TRAPPC9: variants seen among roughly 807,000 people sequenced by gnomAD.
The protein encoded by TRAPPC9 is trafficking protein particle complex subunit 9, also known as IKK2 binding protein.
A neutral mutation model predicts 124.0 loss-of-function variants in TRAPPC9; 83 were observed. The observed-to-expected ratio is 0.67, with a 90% CI of 0.56 to 0.80. TRAPPC9 has a LOEUF of 0.80. Among genes scored for constraint, TRAPPC9 ranks in the 30% least tolerant of loss-of-function variants. The probability of loss-of-function intolerance (pLI) is 0.00; values close to 1 mark genes in which losing one functional copy is unlikely to be tolerated. For missense variants in TRAPPC9, 1,302 were observed against 1,508.3 expected (o/e 0.86, Z 2.27); for synonymous variants, 638 against 617.5 (o/e 1.03, Z -0.49).
intron 16 of TRAPPC9, chr8:140,238,537 C>G (rs1466221411): frequency 6.6e-6 from 1 of 152,230 alleles, no homozygotes; most frequent in East Asian, 1.9e-4. Flanking sequence ...ATGGCACGGG[C>G]TAAATATAAC....
intron 17 of TRAPPC9, among the ~76,000 whole-genome samples, chr8:140,207,245 T>C (rs2062947455): frequency 6.6e-6 from 1 of 152,232 alleles, no homozygotes; most frequent in Non-Finnish European, 1.5e-5. Context: ...CTGAGGTTCA[T>C]TACAGATCTG....
intron 17 of TRAPPC9, among the ~76,000 whole-genome samples, chr8:140,143,488 T>C (rs2061411585): frequency 6.6e-6 from 1 of 152,258 alleles, no homozygotes; most frequent in South Asian, 2.1e-4. Context: ...GCGTAACACA[T>C]GTAACTTGCA....
intron 21 of TRAPPC9, among the ~76,000 whole-genome samples, chr8:139,850,689 A>G (rs1827384654): frequency 6.6e-6 from 1 of 152,232 alleles, no homozygotes; most frequent in Non-Finnish European, 1.5e-5. Context: ...GCATATGGCC[A>G]TCTACCCACT....
chr8:139,752,558 C>T (rs1324421745), intron 21 of TRAPPC9, among the ~76,000 whole-genome samples: 1 of 150,166 alleles, frequency 6.7e-6, no homozygotes, highest in Non-Finnish European at 1.5e-5. Flanking sequence ...CATCTATCCA[C>T]CATGTACCCA....
intron 20 of TRAPPC9, among the ~76,000 whole-genome samples, chr8:139,890,776 G>C (rs951438233): frequency 1.3e-5 from 2 of 151,888 alleles, no homozygotes; most frequent in African/African-American, 4.8e-5. Flanking sequence ...CAGCACACCA[G>C]CATGGCACAT....
At chr8:140,330,277 C>T (rs1349407620) in intron 9 of TRAPPC9, among the ~76,000 whole-genome samples, 2 of 152,078 alleles carry the variant, frequency 1.3e-5, no homozygotes, top group Non-Finnish European at 1.5e-5. Context: ...ATCCAGGTAG[C>T]ATAATGGTCT....
chr8:139,732,872 C>T (rs767627596), intron 21 of TRAPPC9, among the ~76,000 whole-genome samples: 6 of 152,156 alleles, frequency 3.9e-5, no homozygotes, highest in African/African-American at 1.2e-4. Flanking sequence ...TGGTCCTGGG[C>T]GAAGGAGCAT....
intron 8 of TRAPPC9, among the ~76,000 whole-genome samples, chr8:140,367,808 G>A (rs1174078507): frequency 6.6e-6 from 1 of 152,188 alleles, no homozygotes; most frequent in Non-Finnish European, 1.5e-5. Context: ...TAACAGTGGG[G>A]AAGTCTGTGC....
At chr8:140,435,406 A>G (rs2132606933) in intron 3 of TRAPPC9, among the ~76,000 whole-genome samples, 166 bp from the exon 4 acceptor site, 1 of 152,360 alleles carries the variant, frequency 6.6e-6, no homozygotes. Flanking sequence ...ACAAAGATCA[A>G]ACCTAAAGAT....
chr8:140,190,826 A>G (rs548102703), intron 17 of TRAPPC9, among the ~76,000 whole-genome samples: 3 of 152,306 alleles, frequency 2.0e-5, no homozygotes, highest in Non-Finnish European at 4.4e-5. Context: ...CTTTCAAAGA[A>G]AGAAGGTCAA....
At chr8:140,170,441 C>T (rs1455699960) in intron 17 of TRAPPC9, among the ~76,000 whole-genome samples, 1 of 152,234 alleles carries the variant, frequency 6.6e-6, no homozygotes, top group Admixed American at 6.5e-5. Context: ...CCAAATTCCA[C>T]ATCCTCTTTG....
chr8:140,397,633 A>G lies in TRAPPC9; in HGVS notation c.1121T>C (p.Ile374Thr). ...ASEFLQNAVYINLRQLSEEEK... is the reference protein window; with the variant it reads ...ASEFLQNAVYTNLRQLSEEEK... ...ACATACACTCACCTGTCGAAGGTTAATGTAAACTGCATTCTGAAGAAATTC... is the reference window on the plus strand; with the variant it reads ...ACATACACTCACCTGTCGAAGGTTAGTGTAAACTGCATTCTGAAGAAATTC... Residue 374 changes from isoleucine to threonine, a missense_variant, in exon 7 of 23, where the codon ATT becomes ACT. Coordinates refer to ENST00000438773, the MANE Select transcript of TRAPPC9 (RefSeq NM_001160372.4). 1.2e-6 allele frequency: 2 copies of G among 1,614,164 alleles called. No homozygotes were observed. Among genetic ancestry groups the G allele is most frequent in the Non-Finnish European group, 1.7e-6 (2 of 1,180,012 alleles).
At chr8:139,745,553 G>A (rs974332056) in intron 21 of TRAPPC9, among the ~76,000 whole-genome samples, 1 of 152,242 alleles carries the variant, frequency 6.6e-6, no homozygotes, top group Admixed American at 6.5e-5. Flanking sequence ...AGTCGGGGTG[G>A]GCTGTGCACA....
intron 17 of TRAPPC9, among the ~76,000 whole-genome samples, chr8:140,128,339 C>T (rs967065699): frequency 1.3e-5 from 2 of 152,350 alleles, no homozygotes; most frequent in African/African-American, 2.4e-5. Context: ...CCAGCTCTGG[C>T]GTAAGCAAGC....
At chr8:139,946,738 T>C (rs1587307312) in intron 19 of TRAPPC9, among the ~76,000 whole-genome samples, 1 of 150,530 alleles carries the variant, frequency 6.6e-6, no homozygotes, top group African/African-American at 2.5e-5. Context: ...CCCAGCACTT[T>C]GGGAGGCCGA....
chr8:139,807,944 C>A (rs1205643272), intron 21 of TRAPPC9, among the ~76,000 whole-genome samples: 1 of 152,116 alleles, frequency 6.6e-6, no homozygotes, highest in East Asian at 1.9e-4. Context: ...TCTCCACAGA[C>A]AGGAAGGGCA....
At chr8:140,415,886 C>A (rs1174218648) in intron 5 of TRAPPC9, among the ~76,000 whole-genome samples, 1 of 152,054 alleles carries the variant, frequency 6.6e-6, no homozygotes, top group East Asian at 1.9e-4. Context: ...ATCACTTGAG[C>A]ACAGGAGACG....
chr8:139,900,234 G>A (rs1016298604), intron 20 of TRAPPC9, among the ~76,000 whole-genome samples: 2 of 152,182 alleles, frequency 1.3e-5, no homozygotes, highest in East Asian at 1.9e-4. Flanking sequence ...TTCCAGAGAC[G>A]GCGCTGTTTG....
chr8:140,149,866 CTG>C (rs1457837360), intron 17 of TRAPPC9, among the ~76,000 whole-genome samples: 2 of 152,140 alleles, frequency 1.3e-5, no homozygotes, highest in African/African-American at 4.8e-5. Context: ...AGGTGGCTCT[CTG>C]TATATCATGC....
Sources: allele counts gnomAD v4.1 joint callset (sites outside exome capture counted in the v4.1 genomes callset), GRCh38; gene constraint gnomAD v4.1.1; transcripts MANE v1.5; gene names NCBI Gene and HGNC (gene_info 2026-07-23, HGNC 2026-07-21).